Variants in PCDH11Y observed in about 807,000 individuals in gnomAD.
PCDH11Y encodes protocadherin 11 Y-linked.
For synonymous variants in PCDH11Y, 9 were observed against 83.6 expected (o/e 0.11, Z 4.87); for missense variants, 12 against 224.8 (o/e 0.05, Z 6.05).
At chrY:5,284,500 C>T (rs2124661095) in intron 2 of PCDH11Y, among the ~76,000 whole-genome samples, 1 of 32,167 alleles carries the variant, frequency 3.1e-5, no homozygotes, top group East Asian at 8.1e-4. Flanking sequence ...TTAACCAAAG[C>T]TAAATTTATC....
intron 4 of PCDH11Y, among the ~76,000 whole-genome samples, chrY:5,618,847 A>G (rs2053496922): frequency 3.6e-5 from 1 of 27,540 alleles, no homozygotes; most frequent in Non-Finnish European, 8.5e-5. Flanking sequence ...AAAAAAAAAA[A>G]AAAAAAAAAG....
chrY:5,231,470 T>C (rs2052967805), intron 2 of PCDH11Y, among the ~76,000 whole-genome samples: 1 of 33,236 alleles, frequency 3.0e-5, no homozygotes, highest in African/African-American at 1.2e-4. Flanking sequence ...TCTTGTTCTC[T>C]TCTCTTACAT....
At chrY:5,228,636 G>C (rs2052963653) in intron 2 of PCDH11Y, among the ~76,000 whole-genome samples, 1 of 31,673 alleles carries the variant, frequency 3.2e-5, no homozygotes, top group African/African-American at 1.2e-4. Flanking sequence ...ATTATGATTT[G>C]TTTCAAGAAA....
intron 2 of PCDH11Y, among the ~76,000 whole-genome samples, chrY:5,496,658 T>A (rs1344514080): frequency 4.0e-4 from 13 of 32,127 alleles, no homozygotes; most frequent in African/African-American, 1.6e-3. Context: ...TTTTTTTTTT[T>A]AATTATACTT....
rs2124633829 is a variant in PCDH11Y at position 5,091,001 on chromosome Y, C to G, written c.637-7214C>G. Among the ~76,000 whole-genome samples, 14 of 32,636 alleles carry G rather than the reference C, an allele frequency of 4.3e-4. No homozygotes were observed. The South Asian group carries it at 9.5e-3, about 22-fold the overall frequency. The allele number at this position is 32,636 out of a possible 37,273, so 87.6% of individuals were successfully genotyped here. ...CTCATCTAACTTAAGCACAAGAGAG[C>G]AGCTGCTAAAAAGAGCTGATTAGCA... On this transcript the variant is annotated intron_variant, in intron 1 of 1. Coordinates refer to ENST00000215473, the Ensembl canonical transcript of PCDH11Y.
intron 2 of PCDH11Y, among the ~76,000 whole-genome samples, chrY:5,233,130 AC>A (rs2052969819): frequency 3.2e-5 from 1 of 31,060 alleles, no homozygotes; most frequent in African/African-American, 1.3e-4. Context: ...AAAACTAGGT[AC>A]TATGAGTGCT....
At chrY:5,069,578 C>G (rs2052695761) in intron 1 of PCDH11Y, among the ~76,000 whole-genome samples, 1 of 32,242 alleles carries the variant, frequency 3.1e-5, no homozygotes, top group Non-Finnish European at 7.5e-5. Flanking sequence ...GATTGTAGAG[C>G]CAAAGCTCTG....
intron 4 of PCDH11Y, among the ~76,000 whole-genome samples, chrY:5,706,273 G>A: frequency 9.3e-5 from 3 of 32,317 alleles, no homozygotes; most frequent in African/African-American, 3.6e-4. Context: ...TTTGCTATCA[G>A]AGATTAACAG....
At chrY:5,591,971 G>C in intron 4 of PCDH11Y, among the ~76,000 whole-genome samples, 2 of 33,300 alleles carry the variant, frequency 6.0e-5, no homozygotes, top group African/African-American at 1.2e-4. Flanking sequence ...GTCAATTTTA[G>C]AGTATGTGCT....
chrY:5,688,179 C>G, intron 4 of PCDH11Y, among the ~76,000 whole-genome samples: 2 of 33,315 alleles, frequency 6.0e-5, no homozygotes, highest in Non-Finnish European at 1.5e-4. Flanking sequence ...GAACCTTTCC[C>G]TCAACTTTGC....
intron 2 of PCDH11Y, among the ~76,000 whole-genome samples, chrY:5,194,991 C>T: frequency 3.0e-5 from 1 of 32,833 alleles, no homozygotes; most frequent in Non-Finnish European, 7.5e-5. Flanking sequence ...GTCCCCTACC[C>T]GATTAGTTAG....
At chrY:5,230,592 A>G in intron 2 of PCDH11Y, among the ~76,000 whole-genome samples, 4 of 32,351 alleles carry the variant, frequency 1.2e-4, no homozygotes, top group Non-Finnish European at 2.3e-4. Flanking sequence ...TTAACCTTTG[A>G]GAGTATGATT....
intron 4 of PCDH11Y, among the ~76,000 whole-genome samples, chrY:5,594,241 C>T (rs2053465047): frequency 3.1e-5 from 1 of 32,575 alleles, no homozygotes; most frequent in Non-Finnish European, 7.5e-5. Flanking sequence ...TGCATTCATG[C>T]AGGCAGAGGT....
At chrY:5,599,311 C>A (rs2053470358) in intron 4 of PCDH11Y, among the ~76,000 whole-genome samples, 1 of 32,804 alleles carries the variant, frequency 3.0e-5, no homozygotes, top group Non-Finnish European at 7.5e-5. Context: ...TTTTTACAAT[C>A]TTATTTATGA....
At chrY:5,230,825 A>AT (rs2052967189) in intron 2 of PCDH11Y, among the ~76,000 whole-genome samples, 2 of 30,252 alleles carry the variant, frequency 6.6e-5, no homozygotes, top group Non-Finnish European at 1.6e-4. Context: ...GGTGTGCTTC[A>AT]TTTTTTTTAT....
At chrY:5,520,031 T>A in intron 3 of PCDH11Y, among the ~76,000 whole-genome samples, 15 of 20,063 alleles carry the variant, frequency 7.5e-4, no homozygotes, top group African/African-American at 2.8e-3. Flanking sequence ...TTGGCCAACA[T>A]GGTGAAACCG....
intron 4 of PCDH11Y, among the ~76,000 whole-genome samples, chrY:5,729,524 T>C (rs2053601565): frequency 3.1e-5 from 1 of 32,344 alleles, no homozygotes; most frequent in Non-Finnish European, 7.6e-5. Context: ...TAGTAGACCT[T>C]TGCTGAATGT....
intron 4 of PCDH11Y, among the ~76,000 whole-genome samples, chrY:5,624,398 C>CT (rs1388918979): frequency 6.7e-4 from 6 of 8,891 alleles, no homozygotes; most frequent in Non-Finnish European, 1.1e-3. Context: ...TCACACTTGT[C>CT]TTTTTTTTTT....
intron 2 of PCDH11Y, among the ~76,000 whole-genome samples, chrY:5,279,364 C>T (rs1602898654): frequency 6.3e-5 from 1 of 15,859 alleles, no homozygotes; most frequent in African/African-American, 2.7e-4. Context: ...CGTGCCATTG[C>T]ACTCCAGCCT....
Sources: gnomAD v4.1 joint callset for allele counts (sites outside exome capture counted in the v4.1 genomes callset) on GRCh38, gnomAD v4.1.1 for gene constraint, MANE v1.5 for transcripts, NCBI Gene and HGNC (gene_info 2026-07-23, HGNC 2026-07-21) for gene names.